Variants in TENM2 observed in about 807,000 individuals in gnomAD.
The protein encoded by TENM2 is teneurin transmembrane protein 2.
TENM2 carries 52 observed loss-of-function variants against 245.2 expected under a neutral mutation model. The observed-to-expected ratio is 0.21, with a 90% CI of 0.17 to 0.27. TENM2 has a LOEUF of 0.27. Among genes scored for constraint, TENM2 ranks in the 10% least tolerant of loss-of-function variants. TENM2 has a pLI of 1.00. For synonymous variants in TENM2, 1,363 were observed against 1,438.9 expected, an observed-to-expected ratio of 0.95 and a Z score of 1.19; for missense variants, 3,046 against 3,666.8, an observed-to-expected ratio of 0.83 and a Z score of 4.37.
chr5:168,140,601 A>G (rs1242474002), intron 12 of TENM2, among the ~76,000 whole-genome samples: 1 of 152,322 alleles, frequency 6.6e-6, no homozygotes, highest in Non-Finnish European at 1.5e-5. Context: ...GTACATCTGC[A>G]TCCATTACAA....
chr5:168,111,819 A>AT (rs1357982367), intron 9 of TENM2, among the ~76,000 whole-genome samples: 1 of 152,026 alleles, frequency 6.6e-6, no homozygotes, highest in South Asian at 2.1e-4. Context: ...TCTCATTATC[A>AT]TTTTTATCTG....
intron 2 of TENM2, among the ~76,000 whole-genome samples, chr5:167,785,889 C>T (rs1764543575): frequency 6.6e-6 from 1 of 152,144 alleles, no homozygotes; most frequent in South Asian, 2.1e-4. Context: ...CAGGATAGCA[C>T]CTGCCTACTT....
intron 2 of TENM2, among the ~76,000 whole-genome samples, chr5:167,508,383 C>T (rs534583795): frequency 3.3e-5 from 5 of 152,236 alleles, no homozygotes; most frequent in East Asian, 1.9e-4. Context: ...TTTAACTATG[C>T]GCCACAGTCC....
In TENM2 at chr5:168,153,879, G is replaced by A. The variant is rs538991387; in HGVS notation, c.2423-8732G>A. Among the ~76,000 whole-genome samples, 9 of 152,212 alleles carry A rather than the reference G, an allele frequency of 5.9e-5. No homozygotes were observed. The South Asian group carries it at 1.7e-3, about 28-fold the overall frequency. ...ATCTAAAGCAATGGGAGAAACTCCC[G>A]GAGGATGTTCAGCAGGGGCATGGCA... On this transcript the variant is annotated intron_variant, in intron 12 of 28. Transcript: ENST00000518659.
At chr5:167,495,247 T>G (rs1464009156) in intron 2 of TENM2, among the ~76,000 whole-genome samples, 3 of 150,724 alleles carry the variant, frequency 2.0e-5, no homozygotes, top group Non-Finnish European at 4.4e-5. Context: ...GTTTTTTGTT[T>G]TTTTTTTTTG....
At chr5:167,173,706 A>AGTGT in the TENM2 span, among the ~76,000 whole-genome samples, 9,057 of 144,284 alleles carry the variant, frequency 0.063, 856 homozygotes, top group African/African-American at 0.21. Flanking sequence ...AGGTGATTTG[A>AGTGT]GTGTGTGTGT....
intron 2 of TENM2, among the ~76,000 whole-genome samples, chr5:167,679,490 G>A (rs1418928975): frequency 3.9e-5 from 6 of 152,094 alleles, no homozygotes; most frequent in Non-Finnish European, 5.9e-5. Flanking sequence ...TAGATTAGGA[G>A]TAATTTGATT....
chr5:168,261,688 C>T (rs558196873), intron 28 of TENM2, among the ~76,000 whole-genome samples: 10 of 152,338 alleles, frequency 6.6e-5, no homozygotes, highest in African/African-American at 2.4e-4. Flanking sequence ...CAGTTGCCAA[C>T]CATCAGAGTA....
At chr5:167,541,866 A>G (rs1227616408) in intron 2 of TENM2, among the ~76,000 whole-genome samples, 2 of 152,232 alleles carry the variant, frequency 1.3e-5, no homozygotes, top group East Asian at 3.8e-4. Flanking sequence ...CATAGAAAGC[A>G]TATAATCATA....
intron 2 of TENM2, among the ~76,000 whole-genome samples, chr5:167,605,885 G>A (rs1035644330): frequency 1.1e-4 from 17 of 152,096 alleles, no homozygotes; most frequent in African/African-American, 3.1e-4. Flanking sequence ...TTTGGGTGTC[G>A]CCCAGAAGAG....
chr5:167,538,111 C>A (rs1771966068), intron 2 of TENM2, among the ~76,000 whole-genome samples: 1 of 152,198 alleles, frequency 6.6e-6, no homozygotes. Context: ...ACAATTGGAC[C>A]TAACAGAGTG....
the TENM2 span, among the ~76,000 whole-genome samples, chr5:167,213,506 C>G: frequency 6.6e-6 from 1 of 152,122 alleles, no homozygotes. Context: ...CTAGTAACAC[C>G]AATCTACTGG....
chr5:167,820,662 G>T (rs570224630), intron 2 of TENM2, among the ~76,000 whole-genome samples: 1 of 152,212 alleles, frequency 6.6e-6, no homozygotes, highest in African/African-American at 2.4e-5. Context: ...CTCCGTCAAG[G>T]CCCTGAGAGC....
chr5:168,135,040 A>G (rs1754924440), intron 12 of TENM2, among the ~76,000 whole-genome samples: 1 of 152,148 alleles, frequency 6.6e-6, no homozygotes, highest in Non-Finnish European at 1.5e-5. Context: ...TCTCTATTCC[A>G]TGGGCTCTGA....
the TENM2 span, among the ~76,000 whole-genome samples, chr5:167,085,225 G>T: frequency 6.6e-6 from 1 of 152,232 alleles, no homozygotes; most frequent in Non-Finnish European, 1.5e-5. Context: ...AAGGGGAGGA[G>T]TTTTTAAAGC....
At chr5:167,687,375 G>GA (rs544962919) in intron 2 of TENM2, among the ~76,000 whole-genome samples, 1 of 152,028 alleles carries the variant, frequency 6.6e-6, no homozygotes, top group Non-Finnish European at 1.5e-5. Flanking sequence ...TTTTCTGAAG[G>GA]AAAAAAATAG....
intron 13 of TENM2, among the ~76,000 whole-genome samples, chr5:168,170,719 C>T (rs1050530210): frequency 1.3e-5 from 2 of 152,158 alleles, no homozygotes; most frequent in Admixed American, 6.5e-5. Flanking sequence ...CTCCTCTTGC[C>T]GTCTGCTCTC....
intron 9 of TENM2, among the ~76,000 whole-genome samples, chr5:168,115,948 C>T (rs11748226): frequency 0.54 from 81,391 of 151,928 alleles, 21,992 homozygotes; most frequent in East Asian, 0.63. Flanking sequence ...CATGTGCACA[C>T]GCCTGCCATC....
rs537847068 is a variant in TENM2, at chr5:168,204,670, C to G, written c.3824+49C>G. The G allele has an allele frequency of 5.0e-6, 8 of 1,594,886 alleles. No homozygotes were observed. The East Asian group carries it at 1.8e-4, about 36-fold the overall frequency. ...TCTTTTGCTCTCTTGCCCCCCATAA[C>G]TCCTGAGTTTGATCGGGTAACTGGG... On this transcript the variant is annotated intron_variant, in intron 19 of 28. Transcript: ENST00000518659.
Sources: gnomAD v4.1 joint callset for allele counts (sites outside exome capture counted in the v4.1 genomes callset) on GRCh38, gnomAD v4.1.1 for gene constraint, MANE v1.5 for transcripts, NCBI Gene and HGNC (gene_info 2026-07-23, HGNC 2026-07-21) for gene names.